Variants in BIRC6 observed in about 807,000 individuals in gnomAD.
BIRC6 encodes the protein baculoviral IAP repeat containing 6.
Under a neutral mutation model 503.3 loss-of-function variants are expected in BIRC6, and 98 were observed. The observed-to-expected ratio is 0.19, with a 90% CI of 0.17 to 0.23. The LOEUF is 0.23. Ranked by LOEUF, BIRC6 falls within the 10% of genes least tolerant of loss-of-function variation. The pLI, the probability that BIRC6 is intolerant of heterozygous loss-of-function variation, is 1.00. For synonymous variants in BIRC6, 2,240 were observed against 2,078.7 expected (o/e 1.08, Z -2.11); for missense variants, 5,360 against 5,806.0 (o/e 0.92, Z 2.50).
chr2:32,407,974 T>TC (rs1446393406), intron 9 of BIRC6, among the ~76,000 whole-genome samples: 1 of 151,688 alleles, frequency 6.6e-6, no homozygotes, highest in Non-Finnish European at 1.5e-5. Flanking sequence ...TTTCTTTCTT[T>TC]CTTTTTTTTT....
chr2:32,408,874 G>A (rs940641548), intron 9 of BIRC6, among the ~76,000 whole-genome samples: 1 of 152,152 alleles, frequency 6.6e-6, no homozygotes, highest in Non-Finnish European at 1.5e-5. Flanking sequence ...GGATTTGTAA[G>A]TAGCTTATTC....
At chr2:32,517,230 A>G (rs899969041) in intron 55 of BIRC6, among the ~76,000 whole-genome samples, 4 of 152,050 alleles carry the variant, frequency 2.6e-5, no homozygotes, top group Non-Finnish European at 5.9e-5. Context: ...GGTCTCAGCT[A>G]CTCAGGAGGC....
chr2:32,461,572 G>A (rs983480281), intron 23 of BIRC6, among the ~76,000 whole-genome samples: 1 of 151,408 alleles, frequency 6.6e-6, no homozygotes, highest in Non-Finnish European at 1.5e-5. Context: ...CAGTATGACT[G>A]CACTGTAATG....
rs1382150392 is a variant in BIRC6, at chr2:32,380,309, G to C, written c.645+19G>C. On this transcript the variant is annotated intron_variant, in intron 3 of 73. Transcript: ENST00000421745. The stretch of plus-strand genomic sequence containing the variant: ...TGCTAAGGTAAGAAGTTAATAGATT[G>C]CCTCTTTTGGGGTTATATTACAATG... The C allele has an allele frequency of 1.9e-6, 3 of 1,576,610 alleles. No individual in the cohort carries two copies. In the African/African-American group the frequency reaches 4.1e-5, roughly 22 times the overall value.
At chr2:32,395,459 C>A in intron 5 of BIRC6, 52 bp from the exon 6 acceptor site, 1 of 1,307,750 alleles carries the variant, frequency 7.6e-7, no homozygotes, top group Non-Finnish European at 1.1e-6. Context: ...TATTATAAAG[C>A]TATTTTAATA....
At position 32,568,187 on chromosome 2, in the gene BIRC6, CT is replaced by C. The variant is rs752609126; in HGVS notation, c.13145-6954del. On this transcript the variant is annotated intron_variant, in intron 65 of 73. Coordinates refer to ENST00000421745, the MANE Select transcript of BIRC6 (RefSeq NM_016252.4). Reference sequence around the variant, plus strand: ...TATAGCCTTAAAAGGTAAGTTTTATCTTTTTTTTTTTTTTTCAGGATAATCT... The same window carrying C: ...TATAGCCTTAAAAGGTAAGTTTTATCTTTTTTTTTTTTTTCAGGATAATCT... Among the ~76,000 whole-genome samples, 644 of 139,154 alleles carry C rather than the reference CT, an allele frequency of 4.6e-3. 4 individuals are homozygous for C. The highest frequency in any genetic ancestry group is 0.03 in the East Asian group (144 of 4,764). 91.3% of individuals were successfully genotyped at this position (139,154 alleles called of 152,430 possible). A position where few individuals can be genotyped will look rare whatever the true frequency, so the allele number is the denominator to read the frequency against.
intron 61 of BIRC6, among the ~76,000 whole-genome samples, chr2:32,539,741 A>G (rs985481050): frequency 1.3e-5 from 2 of 152,168 alleles, no homozygotes; most frequent in African/African-American, 2.4e-5. Context: ...TGCCACCTCA[A>G]GAAACTAGAA....
chr2:32,449,553 A>T (rs900578100), intron 22 of BIRC6, among the ~76,000 whole-genome samples: 54 of 152,302 alleles, frequency 3.5e-4, no homozygotes, highest in African/African-American at 1.3e-3. Flanking sequence ...AATTGTACTT[A>T]TTGCAGATGT....
chr2:32,415,543 C>T lies in BIRC6; in HGVS notation c.2252C>T (p.Thr751Ile). 1 of 1,614,006 alleles carries T rather than the reference C, an allele frequency of 6.2e-7. No individual in the cohort carries two copies. The highest frequency in any genetic ancestry group is 8.5e-7 in the Non-Finnish European group (1 of 1,179,904). The change falls in exon 10 of 74, where the codon ACA becomes ATA. Residue 751 changes from threonine to isoleucine, a missense_variant. Physicochemically the swap from Thr to Ile is moderately conservative, Grantham distance 89. Coordinates refer to ENST00000421745, the MANE Select transcript of BIRC6 (RefSeq NM_016252.4). ...ATTCATTTGTTGGTAGGACTGCGGACATGCCCTGTTGAATCCTTGAGTGCA... is the reference window on the plus strand; with the variant it reads ...ATTCATTTGTTGGTAGGACTGCGGATATGCCCTGTTGAATCCTTGAGTGCA... ...DGIHLLVGLRTCPVESLSAIN... is the reference protein window; with the variant it reads ...DGIHLLVGLRICPVESLSAIN...
At chr2:32,485,971 A>G (rs1191953262) in intron 40 of BIRC6, among the ~76,000 whole-genome samples, 1 of 152,202 alleles carries the variant, frequency 6.6e-6, no homozygotes. Context: ...AAATACTTCC[A>G]TGTAGTGCTG....
chr2:32,365,074 A>T (rs1390305352), intron 1 of BIRC6, among the ~76,000 whole-genome samples: 2 of 152,178 alleles, frequency 1.3e-5, no homozygotes, highest in Admixed American at 1.3e-4. Context: ...TTAATTTAGC[A>T]GAATCTCTTT....
rs61754197 is a variant in BIRC6, at chr2:32,493,548, T to C, written c.8349T>C (p.Pro2783=). The C allele has an allele frequency of 0.024, 38,152 of 1,608,706 alleles. 636 individuals carry two copies. Among genetic ancestry groups the C allele is most frequent in the African/African-American group, 0.077 (5,764 of 74,956 alleles). Residue 2783 remains proline (P), a synonymous_variant, in exon 45 of 74, where the codon CCT becomes CCC. Transcript: ENST00000421745. ...GTNQHSPQVG[P]TATQAMQEFL... is the part of the protein sequence containing the mutation. ...TATACATTTCTCTTTAGGTTGGTCCTACAGCTACACAAGCTATGCAAGAAT... is the reference window on the plus strand; with the variant it reads ...TATACATTTCTCTTTAGGTTGGTCCCACAGCTACACAAGCTATGCAAGAAT...
intron 3 of BIRC6, among the ~76,000 whole-genome samples, chr2:32,382,010 T>C (rs2037738446): frequency 6.6e-6 from 1 of 152,214 alleles, no homozygotes; most frequent in Non-Finnish European, 1.5e-5. Flanking sequence ...AAACAGAAAC[T>C]GTCCTATGAG....
intron 65 of BIRC6, chr2:32,564,355 A>T (rs955107765): frequency 6.6e-6 from 1 of 152,004 alleles, no homozygotes; most frequent in African/African-American, 2.4e-5. Context: ...TGTGTACTAC[A>T]TTTTGCTTTT....
intron 72 of BIRC6, among the ~76,000 whole-genome samples, chr2:32,609,527 T>A (rs1395342708): frequency 6.6e-6 from 1 of 152,098 alleles, no homozygotes; most frequent in Non-Finnish European, 1.5e-5. Context: ...TTACCTGATA[T>A]AAAATTGATC....
rs111386711 is a variant in BIRC6, at chr2:32,607,657, A to C, written c.14259+14A>C. 13 of 1,582,804 alleles carry C rather than the reference A, an allele frequency of 8.2e-6. No individual in the cohort carries two copies. The African/African-American group carries it at 1.5e-4, about 18-fold the overall frequency. The stretch of plus-strand genomic sequence containing the variant: ...TGTTTTAAAGAGGTATGTTCAATAA[A>C]ATTAGTGAAATACTTTGTTAAAGAC... On this transcript the variant is annotated intron_variant, in intron 72 of 73. Coordinates refer to ENST00000421745, the MANE Select transcript of BIRC6 (RefSeq NM_016252.4).
intron 51 of BIRC6, among the ~76,000 whole-genome samples, chr2:32,509,404 A>G (rs560165989): frequency 7.2e-4 from 109 of 152,068 alleles, no homozygotes; most frequent in Non-Finnish European, 1.1e-3. Flanking sequence ...ACAGGCGCCC[A>G]CCACCATGCC....
At chr2:32,541,484 G>T (rs1320381246) in intron 61 of BIRC6, among the ~76,000 whole-genome samples, 1 of 151,944 alleles carries the variant, frequency 6.6e-6, no homozygotes, top group Non-Finnish European at 1.5e-5. Context: ...AAGAAATAGT[G>T]AACTAATCAC....
At chr2:32,489,499 A>T (rs907296412) in intron 42 of BIRC6, among the ~76,000 whole-genome samples, 1 of 151,802 alleles carries the variant, frequency 6.6e-6, no homozygotes, top group African/African-American at 2.4e-5. Context: ...AATATATATA[A>T]AAAATAAAAG....
Sources: allele counts gnomAD v4.1 joint callset (sites outside exome capture counted in the v4.1 genomes callset), GRCh38; gene constraint gnomAD v4.1.1; transcripts MANE v1.5; gene names NCBI Gene and HGNC (gene_info 2026-07-23, HGNC 2026-07-21).